ADAMTS17: variants seen among roughly 807,000 people sequenced by gnomAD.
ADAMTS17 encodes A disintegrin and metalloproteinase with thrombospondin motifs 17.
In ADAMTS17, 113 loss-of-function variants were observed where a neutral mutation model predicts 141.5. The observed-to-expected ratio is 0.80, with a 90% CI of 0.69 to 0.93. The LOEUF is 0.93. Ranked by LOEUF, ADAMTS17 falls within the 40% of genes least tolerant of loss-of-function variation. ADAMTS17 has a pLI of 0.00. For missense variants in ADAMTS17, 1,659 were observed against 1,517.9 expected, an observed-to-expected ratio of 1.09 and a Z score of -1.54; for synonymous variants, 768 against 630.6, an observed-to-expected ratio of 1.22 and a Z score of -3.27.
intron 15 of ADAMTS17, among the ~76,000 whole-genome samples, chr15:100,068,487 T>A (rs376052391): frequency 6.6e-6 from 1 of 152,168 alleles, no homozygotes; most frequent in Admixed American, 6.5e-5. Context: ...AGTAGCCTAA[T>A]TGGGAGGCAC....
chr15:100,160,120 A>C (rs143491157), intron 8 of ADAMTS17, among the ~76,000 whole-genome samples: 160 of 152,290 alleles, frequency 1.1e-3, no homozygotes, highest in Admixed American at 3.1e-3. Context: ...ACATTCACCA[A>C]ATGGATACAG....
At chr15:100,046,772 G>C (rs968328574) in intron 18 of ADAMTS17, among the ~76,000 whole-genome samples, 1 of 152,146 alleles carries the variant, frequency 6.6e-6, no homozygotes, top group African/African-American at 2.4e-5. Flanking sequence ...CAATTTGTAA[G>C]CTGAGGAGGC....
intron 4 of ADAMTS17, among the ~76,000 whole-genome samples, chr15:100,265,559 G>A (rs999277346): frequency 2.6e-5 from 4 of 152,196 alleles, no homozygotes; most frequent in Non-Finnish European, 4.4e-5. Flanking sequence ...CTCTGGCTAG[G>A]CAATGTAGGG....
chr15:100,206,324 G>C (rs1015541384), intron 7 of ADAMTS17, among the ~76,000 whole-genome samples: 5 of 152,204 alleles, frequency 3.3e-5, no homozygotes, highest in Non-Finnish European at 7.3e-5. Flanking sequence ...TCCTGTGTGT[G>C]CACTTGAGTG....
At position 100,054,023 on chromosome 15, in the gene ADAMTS17, G is replaced by A. The variant is rs368641530; in HGVS notation, c.2169C>T (p.Asn723=). The A allele has an allele frequency of 6.2e-7, 1 of 1,614,196 alleles. No individual in the cohort carries two copies. Among genetic ancestry groups the A allele is most frequent in the Non-Finnish European group, 8.5e-7 (1 of 1,180,038 alleles). ...ALKDSGKGSI[N]SDWKIELPGE... ...CGGGGAGCTCTATCTTCCAGTCACT[G>A]TTGATGGACCCCTTACCCGAGTCTT... Residue 723 remains asparagine, a synonymous_variant, in exon 16 of 22, where the codon AAC becomes AAT. Coordinates refer to ENST00000268070, the MANE Select transcript of ADAMTS17 (RefSeq NM_139057.4).
chr15:100,125,263 G>A (rs1273207712), intron 12 of ADAMTS17, among the ~76,000 whole-genome samples: 1 of 152,198 alleles, frequency 6.6e-6, no homozygotes, highest in African/African-American at 2.4e-5. Context: ...TCCTCTGAAA[G>A]GTGTCCAAGT....
intron 4 of ADAMTS17, among the ~76,000 whole-genome samples, chr15:100,262,800 A>C (rs1228703897): frequency 3.3e-5 from 5 of 151,702 alleles, no homozygotes; most frequent in African/African-American, 9.7e-5. Context: ...AAAAAAAACA[A>C]AAAACCTAAA....
intron 7 of ADAMTS17, among the ~76,000 whole-genome samples, chr15:100,207,110 G>A (rs2041601632): frequency 6.6e-6 from 1 of 152,192 alleles, no homozygotes; most frequent in Non-Finnish European, 1.5e-5. Context: ...TCAGGGAGGT[G>A]ATGAAGGTTA....
At chr15:100,014,297 A>G (rs1320151980) in intron 18 of ADAMTS17, among the ~76,000 whole-genome samples, 1 of 152,070 alleles carries the variant, frequency 6.6e-6, no homozygotes, top group South Asian at 2.1e-4. Flanking sequence ...TACTCTTGCT[A>G]AAGGTCTACC....
At chr15:100,258,388 C>T (rs549866411) in intron 6 of ADAMTS17, among the ~76,000 whole-genome samples, 1 of 152,298 alleles carries the variant, frequency 6.6e-6, no homozygotes, top group East Asian at 1.9e-4. Context: ...TTGTTATTTT[C>T]CATTGTTTTG....
At position 100,173,167 on chromosome 15, in the gene ADAMTS17, T is replaced by C. The variant is rs146696023; in HGVS notation, c.1182-17847A>G. 1.5e-3 allele frequency among the ~76,000 whole-genome samples: 228 copies of C among 152,330 alleles called. 1 individual carries two copies. The highest frequency in any genetic ancestry group is 3.5e-3 in the South Asian group (17 of 4,816). On this transcript the variant is annotated intron_variant, in intron 8 of 21. Transcript: ENST00000268070. ...ACTATTTTAACCCAGTACTCCATTT[T>C]TCTAAGATAGTTTAATTATTTTTTT... is the stretch of plus-strand genomic sequence containing the variant.
rs774316306 is a variant in ADAMTS17 at position 99,997,486 on chromosome 15, C to G, written c.2695G>C (p.Ala899Pro). The G allele has an allele frequency of 2.5e-6, 4 of 1,613,554 alleles. No homozygotes were observed. The highest frequency in any genetic ancestry group is 3.4e-6 in the Non-Finnish European group (4 of 1,179,974). ...CCCGGGCAGTAGAGGGGCCGCGTAG[C>G]GACGTGTGTGCCGTTCTGCAGCTGG... ...VYQLQNGTHV[A>P]TRPLYCPGPR... The change falls in exon 19 of 22, where the codon GCT becomes CCT. Residue 899 changes from alanine (A) to proline (P), a missense_variant. Ala to Pro is a conservative substitution (Grantham distance 27). Coordinates refer to ENST00000268070, the MANE Select transcript of ADAMTS17 (RefSeq NM_139057.4). The surrounding 1 kb of genome is among the most constrained non-coding windows in gnomAD (Gnocchi z 4.7).
chr15:99,993,044 T>C lies in ADAMTS17; in HGVS notation c.2949+4A>G. On this transcript the variant is annotated splice_donor_region_variant and intron_variant, in intron 20 of 21. Transcript: ENST00000268070. This position sits in a 1 kb window ranked among gnomAD's most constrained non-coding sequence, Gnocchi z 4.3. ...GGAGAGAAATGCCAGCAGGCTGCTC[T>C]CACCGTAGACCAGTCCCCAGTTTTC... 1 of 1,614,106 alleles carries C rather than the reference T, an allele frequency of 6.2e-7. No homozygotes were observed. The highest frequency in any genetic ancestry group is 1.1e-5 in the South Asian group (1 of 91,082).
chr15:99,982,190 T>C (rs191079078), intron 20 of ADAMTS17, among the ~76,000 whole-genome samples: 1 of 152,346 alleles, frequency 6.6e-6, no homozygotes, highest in Non-Finnish European at 1.5e-5. Flanking sequence ...ATCCTGCTGT[T>C]ATTATTCTCA....
chr15:100,271,376 C>T (rs7168432), intron 4 of ADAMTS17, among the ~76,000 whole-genome samples: 97,354 of 151,890 alleles, frequency 0.64, 31,617 homozygotes, highest in East Asian at 0.84. Context: ...TTCCGCATCA[C>T]TGTCAACACT....
chr15:100,319,178 G>C (rs930565328), intron 3 of ADAMTS17, among the ~76,000 whole-genome samples: 2 of 152,220 alleles, frequency 1.3e-5, no homozygotes, highest in Non-Finnish European at 2.9e-5. Flanking sequence ...GCAGGGGGTG[G>C]CCTTGAGCCA....
chr15:100,042,321 G>A (rs572353487), intron 18 of ADAMTS17, among the ~76,000 whole-genome samples: 4 of 152,274 alleles, frequency 2.6e-5, no homozygotes, highest in African/African-American at 7.2e-5. Flanking sequence ...ATTTGTGTGT[G>A]TATAATAGCT....
intron 15 of ADAMTS17, among the ~76,000 whole-genome samples, chr15:100,054,335 T>C (rs1485691549): frequency 7.2e-5 from 11 of 152,146 alleles, no homozygotes; most frequent in Admixed American, 6.5e-4. Context: ...CCAACTCAGA[T>C]AGCTGGGGTT....
At chr15:100,214,195 C>G (rs1381724969) in intron 7 of ADAMTS17, among the ~76,000 whole-genome samples, 1 of 152,166 alleles carries the variant, frequency 6.6e-6, no homozygotes, top group Non-Finnish European at 1.5e-5. Context: ...CCCCCTTCAG[C>G]CATGTCGACA....
Sources: gnomAD v4.1 joint callset for allele counts (sites outside exome capture counted in the v4.1 genomes callset) on GRCh38, gnomAD v4.1.1 for gene constraint, Gnocchi (gnomAD v3.1) non-coding constraint, MANE v1.5 for transcripts, NCBI Gene and HGNC (gene_info 2026-07-23, HGNC 2026-07-21) for gene names.